The following ATP8A2 variants were observed in gnomAD, a reference collection of about 807,000 sequenced individuals.
ATP8A2 encodes ATPase phospholipid transporting 8A2.
ATP8A2 carries 100 observed loss-of-function variants against 165.6 expected under a neutral mutation model. That is an observed-to-expected ratio of 0.60 (90% CI 0.51 to 0.71). ATP8A2 has a LOEUF of 0.71. Ranked by LOEUF, ATP8A2 falls within the 30% of genes least tolerant of loss-of-function variation. The probability of loss-of-function intolerance (pLI) is 0.00; values close to 1 mark genes in which losing one functional copy is unlikely to be tolerated. For missense variants in ATP8A2, 1,227 were observed against 1,479.5 expected (o/e 0.83, Z 2.80); for synonymous variants, 543 against 548.8 (o/e 0.99, Z 0.15).
intron 33 of ATP8A2, among the ~76,000 whole-genome samples, chr13:25,872,087 T>C (rs1291689711): frequency 8.1e-6 from 1 of 123,218 alleles, no homozygotes; most frequent in Non-Finnish European, 1.6e-5. Context: ...ATTCAAATGG[T>C]GCTGCTTCTG....
intron 30 of ATP8A2, among the ~76,000 whole-genome samples, chr13:25,853,932 G>A (rs1353780344): frequency 6.6e-6 from 1 of 152,136 alleles, no homozygotes; most frequent in East Asian, 1.9e-4. Flanking sequence ...ATTTGCATCT[G>A]ATATAAAAAT....
intron 24 of ATP8A2, among the ~76,000 whole-genome samples, chr13:25,640,594 A>C (rs1286472902): frequency 6.6e-6 from 1 of 152,228 alleles, no homozygotes; most frequent in Non-Finnish European, 1.5e-5. Flanking sequence ...ACAGGCTCTG[A>C]AATTGAGGCA....
At position 25,427,491 on chromosome 13, in the gene ATP8A2, G is replaced by C. The variant is rs543004154; in HGVS notation, c.77-41486G>C. On this transcript the variant is annotated intron_variant, in intron 1 of 36. Transcript: ENST00000381655. ...CCTGAAACTATCCCTCCACGCCCGG[G>C]TCATGGGAAAATTGTCTTACATGAA... Among the ~76,000 whole-genome samples, 7 of 152,188 alleles carry C rather than the reference G, an allele frequency of 4.6e-5. No individual in the cohort carries two copies. In the South Asian group the frequency reaches 1.2e-3, roughly 27 times the overall value.
chr13:25,951,100 G>A (rs138733363), intron 33 of ATP8A2, among the ~76,000 whole-genome samples: 2 of 152,262 alleles, frequency 1.3e-5, no homozygotes, highest in African/African-American at 2.4e-5. Flanking sequence ...CACTCTTCCT[G>A]TATGATAGAG....
chr13:25,431,303 G>A (rs1035829152), intron 1 of ATP8A2, among the ~76,000 whole-genome samples: 18 of 151,948 alleles, frequency 1.2e-4, no homozygotes, highest in African/African-American at 3.9e-4. Flanking sequence ...CATGCGCCAC[G>A]ATGCCTGGCT....
At chr13:25,411,203 T>C (rs2033954197) in intron 1 of ATP8A2, among the ~76,000 whole-genome samples, 2 of 152,236 alleles carry the variant, frequency 1.3e-5, no homozygotes, top group South Asian at 4.1e-4. Context: ...TTCATAAGTT[T>C]TAAGGAGGGT....
At chr13:25,795,137 A>G (rs955695217) in intron 27 of ATP8A2, among the ~76,000 whole-genome samples, 2 of 152,206 alleles carry the variant, frequency 1.3e-5, no homozygotes, top group African/African-American at 2.4e-5. Context: ...TGTACTTTAT[A>G]TATGCATATG....
chr13:26,007,492 A>G (rs913651706), intron 35 of ATP8A2, among the ~76,000 whole-genome samples: 1 of 152,226 alleles, frequency 6.6e-6, no homozygotes, highest in African/African-American at 2.4e-5. Context: ...TGCAAAGAAT[A>G]GTTCTGTGAT....
At position 25,577,147 on chromosome 13, in the gene ATP8A2, C is replaced by T. The variant is rs148688809; in HGVS notation, c.1782+9C>T. ...TTTACTGTAAAGGGGCTGTAAGTAC[C>T]GGAGAAGCGTTGTGCGTAGCGGAGT... On this transcript the variant is annotated intron_variant, in intron 20 of 36. Coordinates refer to ENST00000381655, the MANE Select transcript of ATP8A2 (RefSeq NM_016529.6). The T allele has an allele frequency of 1.1e-3, 1,695 of 1,612,620 alleles. 21 individuals are homozygous for T. The African/African-American group carries it at 0.019, about 18-fold the overall frequency.
chr13:25,590,781 T>C (rs1400737091), intron 24 of ATP8A2, among the ~76,000 whole-genome samples: 1 of 152,134 alleles, frequency 6.6e-6, no homozygotes, highest in East Asian at 1.9e-4. Context: ...TTTCTATACT[T>C]GCAAATTGAG....
Position 25,553,820 on chromosome 13 carries a change from A to G in ATP8A2, c.1085A>G (p.Asn362Ser). 6.2e-7 allele frequency: 1 copy of G among 1,613,702 alleles called. No homozygotes were observed. Among genetic ancestry groups the G allele is most frequent in the Non-Finnish European group, 8.5e-7 (1 of 1,179,774 alleles). ...ACCACCTCAGATAATTTTGGATACA[A>G]CCTACTGACGTTCATCATCTTATAC... ...MDTTSDNFGY[N>S]LLTFIILYNN... is the part of the protein sequence containing the mutation. Residue 362 changes from asparagine to serine, a missense_variant, in exon 12 of 37, where the codon AAC (asparagine) becomes AGC (serine). Coordinates refer to ENST00000381655, the MANE Select transcript of ATP8A2 (RefSeq NM_016529.6).
chr13:26,011,248 G>A (rs563833339), intron 35 of ATP8A2, among the ~76,000 whole-genome samples: 1 of 152,240 alleles, frequency 6.6e-6, no homozygotes, highest in South Asian at 2.1e-4. Context: ...GTCCATACTC[G>A]AGCTACTTAC....
intron 16 of ATP8A2, among the ~76,000 whole-genome samples, chr13:25,566,556 G>A (rs1018021620): frequency 6.6e-6 from 1 of 152,142 alleles, no homozygotes; most frequent in Non-Finnish European, 1.5e-5. Flanking sequence ...TGACATAGGA[G>A]CTCCGGAGAC....
rs1366535833 is a variant in ATP8A2 at position 26,012,472 on chromosome 13, T to C, written c.3378-59T>C. 57 of 1,395,780 alleles carry C rather than the reference T, an allele frequency of 4.1e-5. No individual in the cohort carries two copies. In the East Asian group the frequency reaches 1.5e-3, roughly 36 times the overall value. 86.5% of individuals were successfully genotyped at this position (1,395,780 alleles called of 1,614,324 possible). A position where few individuals can be genotyped will look rare whatever the true frequency, so the allele number is the denominator to read the frequency against. ...CTCATCCCACCCCCTTCTGTCTGTC[T>C]CCTTGTGCAACCCGAGTGTTCAGGT... On this transcript the variant is annotated intron_variant, in intron 35 of 36. Coordinates refer to ENST00000381655, the MANE Select transcript of ATP8A2 (RefSeq NM_016529.6).
intron 27 of ATP8A2, among the ~76,000 whole-genome samples, chr13:25,779,017 G>A (rs1232833973): frequency 6.6e-6 from 1 of 151,988 alleles, no homozygotes; most frequent in African/African-American, 2.4e-5. Flanking sequence ...ACAAGGCTGG[G>A]CACTGGAACT....
At chr13:25,753,008 C>G (rs1330422863) in intron 25 of ATP8A2, among the ~76,000 whole-genome samples, 5 of 152,160 alleles carry the variant, frequency 3.3e-5, no homozygotes, top group African/African-American at 9.7e-5. Flanking sequence ...CTGTGGAGTA[C>G]TGGGGGGCAC....
chr13:25,565,330 G>T lies in ATP8A2; in HGVS notation c.1473+1299G>T, dbSNP rs1268937015. ...ACTGTTTTCCATAGTGGCTGTTCTA[G>T]TTTACACTCCCACCAGCAGTGCAGA... On this transcript the variant is annotated intron_variant, in intron 16 of 36. Coordinates refer to ENST00000381655, the MANE Select transcript of ATP8A2 (RefSeq NM_016529.6). 3.3e-5 allele frequency among the ~76,000 whole-genome samples: 5 copies of T among 152,280 alleles called. No individual in the cohort carries two copies. In the East Asian group the frequency reaches 5.8e-4, roughly 18 times the overall value.
At chr13:25,996,859 T>G (rs950063809) in intron 35 of ATP8A2, among the ~76,000 whole-genome samples, 1 of 152,224 alleles carries the variant, frequency 6.6e-6, no homozygotes, top group African/African-American at 2.4e-5. Context: ...AATTTTTGTA[T>G]TTTTAGTAGA....
intron 10 of ATP8A2, among the ~76,000 whole-genome samples, chr13:25,544,519 G>T (rs1302468650): frequency 6.6e-6 from 1 of 152,188 alleles, no homozygotes; most frequent in Admixed American, 6.5e-5. Flanking sequence ...GATGGGATTA[G>T]AAGGGTTGAG....
Sources: allele counts gnomAD v4.1 joint callset (sites outside exome capture counted in the v4.1 genomes callset), GRCh38; gene constraint gnomAD v4.1.1; transcripts MANE v1.5; gene names NCBI Gene and HGNC (gene_info 2026-07-23, HGNC 2026-07-21).